Variants in CREBRF observed in about 807,000 individuals in gnomAD.
CREBRF encodes CREB3 regulatory factor, also known as UPF0474 protein C5orf41.
A neutral mutation model predicts 66.1 loss-of-function variants in CREBRF; 5 were observed. The ratio of observed to expected loss-of-function variants is 0.08; its 90% CI spans 0.04 to 0.16. CREBRF has a LOEUF of 0.16. Among genes scored for constraint, CREBRF ranks in the 10% least tolerant of loss-of-function variants. The pLI is 1.00. For missense variants in CREBRF, 531 were observed against 744.9 expected, an observed-to-expected ratio of 0.71 and a Z score of 3.34; for synonymous variants, 229 against 264.4, an observed-to-expected ratio of 0.87 and a Z score of 1.30.
intron 8 of CREBRF, among the ~76,000 whole-genome samples, chr5:173,129,069 C>T (rs188630811): frequency 1.4e-5 from 2 of 141,422 alleles, no homozygotes; most frequent in African/African-American, 2.6e-5. Context: ...CGTGAGCCAC[C>T]GTGCCCGGCC....
chr5:173,103,661 T>C (rs1388492285), intron 4 of CREBRF, among the ~76,000 whole-genome samples: 3 of 152,212 alleles, frequency 2.0e-5, no homozygotes, highest in Non-Finnish European at 4.4e-5. Flanking sequence ...GGAGTTTTAG[T>C]CTCTTTTCTG....
intron 3 of CREBRF, among the ~76,000 whole-genome samples, chr5:173,089,661 T>TA (rs60450166): frequency 7.0e-4 from 95 of 136,242 alleles, no homozygotes; most frequent in East Asian, 1.3e-3. Context: ...GTCTCTACTT[T>TA]AAAAAAAAAA....
chr5:173,073,865 G>A (rs1424863982), intron 1 of CREBRF, among the ~76,000 whole-genome samples: 2 of 152,238 alleles, frequency 1.3e-5, no homozygotes. Context: ...TACTCGGGAA[G>A]CTGAGGCAGG....
chr5:173,101,148 A>G (rs137866213), intron 4 of CREBRF, among the ~76,000 whole-genome samples: 61 of 152,152 alleles, frequency 4.0e-4, no homozygotes, highest in African/African-American at 1.4e-3. Flanking sequence ...TGCACCCTCA[A>G]TCTCCTGGGC....
intron 8 of CREBRF, among the ~76,000 whole-genome samples, chr5:173,124,822 A>G (rs906896131): frequency 1.3e-5 from 2 of 149,518 alleles, no homozygotes; most frequent in Non-Finnish European, 3.0e-5. Context: ...GACTCTTATT[A>G]TCTATAGATT....
chr5:173,112,515 G>C, intron 7 of CREBRF, 136 bp downstream of exon 7: 1 of 547,974 alleles, frequency 1.8e-6, no homozygotes, highest in Non-Finnish European at 3.2e-6. Context: ...TATCTGTTCA[G>C]TAAGCCACAT....
At chr5:173,100,785 A>G (rs1271872838) in intron 4 of CREBRF, among the ~76,000 whole-genome samples, 1 of 152,150 alleles carries the variant, frequency 6.6e-6, no homozygotes, top group East Asian at 1.9e-4. Flanking sequence ...AAGAACTCCC[A>G]TTAACATTTC....
At position 173,135,227 on chromosome 5, in the gene CREBRF, G is replaced by C. The variant is rs1034150270; in HGVS notation, c.*1482G>C. 6.6e-6 allele frequency: 1 copy of C among 152,384 alleles called. No individual in the cohort carries two copies. Among genetic ancestry groups the C allele is most frequent in the African/African-American group, 2.4e-5 (1 of 41,430 alleles). The allele number at this position is 152,384 out of a possible 1,614,324, so 9.4% of individuals were successfully genotyped here. Reference sequence around the variant, plus strand: ...TTATAGATTTTTATATTTTTGTACAGGTATTTTCAAACTAGCTTCTTCAAA... The same window carrying C: ...TTATAGATTTTTATATTTTTGTACACGTATTTTCAAACTAGCTTCTTCAAA... On this transcript the variant is annotated 3_prime_UTR_variant, in exon 9 of 9. Coordinates refer to ENST00000296953, the MANE Select transcript of CREBRF (RefSeq NM_153607.3).
At chr5:173,133,483 A>C (rs1042426806) in intron 8 of CREBRF, 147 bp from the exon 9 acceptor site, 3 of 497,658 alleles carry the variant, frequency 6.0e-6, no homozygotes, top group African/African-American at 5.9e-5. Flanking sequence ...TTGTTTTCTG[A>C]GCTGCAATAA....
intron 4 of CREBRF, among the ~76,000 whole-genome samples, chr5:173,097,071 C>T (rs546383960): frequency 3.3e-5 from 5 of 152,082 alleles, no homozygotes; most frequent in East Asian, 1.9e-4. Flanking sequence ...TTTCTTACCT[C>T]GTGTGTTCTT....
At chr5:173,130,126 A>AT (rs1184928908) in intron 8 of CREBRF, among the ~76,000 whole-genome samples, 5 of 152,228 alleles carry the variant, frequency 3.3e-5, no homozygotes, top group South Asian at 2.1e-4. Flanking sequence ...CTCGGCCTAG[A>AT]TTTTTTTATG....
chr5:173,117,273 G>A (rs1252088416), intron 7 of CREBRF, among the ~76,000 whole-genome samples: 1 of 151,488 alleles, frequency 6.6e-6, no homozygotes, highest in Non-Finnish European at 1.5e-5. Flanking sequence ...CTAGCTACTC[G>A]TGAGGCTGAG....
intron 7 of CREBRF, among the ~76,000 whole-genome samples, chr5:173,120,187 C>A (rs1561815568): frequency 6.6e-6 from 1 of 151,958 alleles, no homozygotes; most frequent in East Asian, 1.9e-4. Flanking sequence ...GGACCATGAT[C>A]TCTCTTTCTT....
At chr5:173,104,445 C>T (rs913555053) in intron 4 of CREBRF, among the ~76,000 whole-genome samples, 1 of 152,040 alleles carries the variant, frequency 6.6e-6, no homozygotes, top group Non-Finnish European at 1.5e-5. Flanking sequence ...CTTTGGGAGG[C>T]TGAAATGGGA....
chr5:173,133,575 C>T, intron 8 of CREBRF, 55 bp from the exon 9 acceptor site: 1 of 996,568 alleles, frequency 1.0e-6, no homozygotes, highest in African/African-American at 1.6e-5. Context: ...TCCTTCCCTT[C>T]CCTTCATGGC....
chr5:173,133,789 A>G lies in CREBRF; in HGVS notation c.*44A>G. On this transcript the variant is annotated 3_prime_UTR_variant, in exon 9 of 9. Coordinates refer to ENST00000296953, the MANE Select transcript of CREBRF (RefSeq NM_153607.3). ...TGGTCAGAAATGTCTGCGTTTTGTC[A>G]CGTTATCCATTGTAAATTTTCATTC... is the stretch of plus-strand genomic sequence containing the variant. 1.9e-6 allele frequency: 2 copies of G among 1,033,836 alleles called. No homozygotes were observed. The allele number at this position is 1,033,836 out of a possible 1,614,324, so 64.0% of individuals were successfully genotyped here.
chr5:173,082,183 T>G (rs890556837), intron 2 of CREBRF, among the ~76,000 whole-genome samples: 1 of 151,630 alleles, frequency 6.6e-6, no homozygotes, highest in African/African-American at 2.4e-5. Context: ...CTGGCTAATT[T>G]TTTGTATTTT....
intron 2 of CREBRF, chr5:173,085,857 A>AG: frequency 1.3e-6 from 1 of 795,074 alleles, no homozygotes; most frequent in South Asian, 1.3e-5. Context: ...TCAATAGTAG[A>AG]GGGGTCATCT....
chr5:173,084,699 T>C (rs1758078360), intron 2 of CREBRF, among the ~76,000 whole-genome samples: 3 of 152,214 alleles, frequency 2.0e-5, no homozygotes, highest in Admixed American at 2.0e-4. Context: ...TGGAGTGCAG[T>C]GGCACGATCT....
Sources: gnomAD v4.1 joint callset for allele counts (sites outside exome capture counted in the v4.1 genomes callset) on GRCh38, gnomAD v4.1.1 for gene constraint, MANE v1.5 for transcripts, NCBI Gene and HGNC (gene_info 2026-07-23, HGNC 2026-07-21) for gene names.